Variants in ZNF536 observed in about 807,000 individuals in gnomAD.
The protein encoded by ZNF536 is zinc finger protein 536.
A neutral mutation model predicts 84.5 loss-of-function variants in ZNF536; 13 were observed. That is an observed-to-expected ratio of 0.15 (90% confidence interval 0.10 to 0.24). ZNF536 has a LOEUF of 0.24. Ranked by LOEUF, ZNF536 falls within the 10% of genes least tolerant of loss-of-function variation. ZNF536 has a pLI of 1.00. For missense variants in ZNF536, 1,536 were observed against 1,747.5 expected, an observed-to-expected ratio of 0.88 and a Z score of 2.16; for synonymous variants, 811 against 742.5, an observed-to-expected ratio of 1.09 and a Z score of -1.50.
chr19:30,613,291 C>T (rs1180664257), intron 1 of ZNF536, among the ~76,000 whole-genome samples: 1 of 152,134 alleles, frequency 6.6e-6, no homozygotes, highest in Non-Finnish European at 1.5e-5. Flanking sequence ...AACACGGGTC[C>T]TTTTTCTTTT....
At chr19:30,638,125 G>A (rs2049138800) in intron 1 of ZNF536, among the ~76,000 whole-genome samples, 3 of 152,132 alleles carry the variant, frequency 2.0e-5, no homozygotes, top group South Asian at 2.1e-4. Flanking sequence ...CACTGCTTCT[G>A]GTCTCTGGGA....
At chr19:30,277,641 G>A (rs1445872885) in intron 1 of ZNF536, among the ~76,000 whole-genome samples, 1 of 152,216 alleles carries the variant, frequency 6.6e-6, no homozygotes, top group Admixed American at 6.5e-5. Context: ...GCATGTGAAT[G>A]CTCACACGTG....
chr19:30,441,820 C>T (rs1201875835), intron 1 of ZNF536, among the ~76,000 whole-genome samples: 1 of 152,222 alleles, frequency 6.6e-6, no homozygotes, highest in Admixed American at 6.5e-5. Context: ...TGGAAGTAAA[C>T]ATTCATGGCT....
At chr19:30,339,766 G>A (rs1402372280) in intron 2 of ZNF536, among the ~76,000 whole-genome samples, 1 of 152,182 alleles carries the variant, frequency 6.6e-6, no homozygotes, top group Non-Finnish European at 1.5e-5. Flanking sequence ...GAGGGAGGTG[G>A]GGAGGCCAGC....
chr19:30,642,650 G>A (rs1461371723), intron 1 of ZNF536, among the ~76,000 whole-genome samples: 1 of 152,202 alleles, frequency 6.6e-6, no homozygotes, highest in Middle Eastern at 3.2e-3. Flanking sequence ...ATCATCAGAA[G>A]TGCCTGCAGG....
At chr19:30,422,547 T>C (rs2051006450) in intron 1 of ZNF536, among the ~76,000 whole-genome samples, 1 of 152,168 alleles carries the variant, frequency 6.6e-6, no homozygotes, top group Non-Finnish European at 1.5e-5. Context: ...TTCTTCCTGC[T>C]CTCAGTTTGG....
intron 2 of ZNF536, among the ~76,000 whole-genome samples, chr19:30,347,613 A>AG (rs2047789465): frequency 6.6e-6 from 1 of 152,172 alleles, no homozygotes; most frequent in Non-Finnish European, 1.5e-5. Flanking sequence ...GCTCTGGTCC[A>AG]GGGTCTGTGC....
intron 2 of ZNF536, among the ~76,000 whole-genome samples, chr19:30,493,871 G>T (rs77011763): frequency 6.6e-6 from 1 of 152,146 alleles, no homozygotes; most frequent in South Asian, 2.1e-4. Flanking sequence ...TATGGGTTGA[G>T]CTCAAGTTTT....
At chr19:30,654,925 A>G (rs908741326) in intron 1 of ZNF536, among the ~76,000 whole-genome samples, 1 of 151,746 alleles carries the variant, frequency 6.6e-6, no homozygotes, top group African/African-American at 2.4e-5. Context: ...CTTTTCAGAA[A>G]TTTTTATTTC....
intron 2 of ZNF536, among the ~76,000 whole-genome samples, chr19:30,470,986 C>A (rs1034683248): frequency 8.2e-6 from 1 of 122,382 alleles, no homozygotes; most frequent in Non-Finnish European, 1.6e-5. Context: ...CTGCGCCCGG[C>A]CTTTTTTTTT....
chr19:30,454,902 G>A (rs1247679953), intron 2 of ZNF536, among the ~76,000 whole-genome samples: 1 of 152,140 alleles, frequency 6.6e-6, no homozygotes, highest in Non-Finnish European at 1.5e-5. Context: ...GCTTGGTTGT[G>A]GGCGCCTGTA....
chr19:30,518,309 C>T (rs138655668), intron 2 of ZNF536, among the ~76,000 whole-genome samples: 1,690 of 152,230 alleles, frequency 0.011, 12 homozygotes, highest in Non-Finnish European at 0.016. Context: ...AGGAATACAG[C>T]GAGAGTTAAT....
intron 1 of ZNF536, among the ~76,000 whole-genome samples, chr19:30,684,819 C>T (rs772280962): frequency 6.6e-6 from 1 of 152,146 alleles, no homozygotes. Context: ...GGGCAGCGGT[C>T]GGGACCTGAT....
intron 1 of ZNF536, among the ~76,000 whole-genome samples, chr19:30,641,572 T>G (rs546251992): frequency 6.6e-6 from 1 of 152,238 alleles, no homozygotes; most frequent in Non-Finnish European, 1.5e-5. Context: ...TTTTTATTAT[T>G]ACAAATATAA....
chr19:30,597,450 G>A (rs76257353), intron 1 of ZNF536, among the ~76,000 whole-genome samples: 2,303 of 152,336 alleles, frequency 0.015, 25 homozygotes, highest in Non-Finnish European at 0.022. Context: ...TCTATGGGCT[G>A]ATGGGAGTGC....
chr19:30,653,888 GC>G (rs2049805041), intron 1 of ZNF536, among the ~76,000 whole-genome samples: 1 of 152,182 alleles, frequency 6.6e-6, no homozygotes, highest in South Asian at 2.1e-4. Context: ...GAGGCTGCGT[GC>G]CCCCCTGCTG....
intron 1 of ZNF536, among the ~76,000 whole-genome samples, chr19:30,421,950 A>G (rs2050977406): frequency 2.0e-5 from 3 of 152,154 alleles, no homozygotes; most frequent in Admixed American, 2.0e-4. Flanking sequence ...ACAAATTTCC[A>G]TTTAGGGTAA....
chr19:30,245,972 A>C (rs2024243273), intron 1 of ZNF536, among the ~76,000 whole-genome samples: 1 of 152,148 alleles, frequency 6.6e-6, no homozygotes, highest in Non-Finnish European at 1.5e-5. Context: ...AACACAGATA[A>C]AGTTGTTAGT....
rs558642764 is a variant in ZNF536 at position 30,709,439 on chromosome 19, G to A, written c.170-1318G>A. 8.5e-5 allele frequency among the ~76,000 whole-genome samples: 13 copies of A among 152,108 alleles called. No individual in the cohort carries two copies. In the East Asian group the frequency reaches 2.3e-3, roughly 27 times the overall value. On this transcript the variant is annotated intron_variant, in intron 1 of 1. Coordinates refer to the ZNF536 transcript ENST00000592773. ...TCACTCACCCCACCCCCAAACACAC[G>A]CTCCCTTGCCATTCTTGGTTTGCTC...
Sources: gnomAD v4.1 joint callset for allele counts (sites outside exome capture counted in the v4.1 genomes callset) on GRCh38, gnomAD v4.1.1 for gene constraint, MANE v1.5 for transcripts, NCBI Gene and HGNC (gene_info 2026-07-23, HGNC 2026-07-21) for gene names.